The following MAP4K4 variants were observed in gnomAD, a reference collection of about 807,000 sequenced individuals.
The protein encoded by MAP4K4 is mitogen-activated protein kinase kinase kinase kinase 4.
MAP4K4 carries 38 observed loss-of-function variants against 189.6 expected under a neutral mutation model. The ratio of observed to expected loss-of-function variants is 0.20; its 90% confidence interval spans 0.15 to 0.26. The LOEUF (loss-of-function observed/expected upper bound fraction) is 0.26. Among genes scored for constraint, MAP4K4 ranks in the 10% least tolerant of loss-of-function variants. The pLI is 1.00. For missense variants in MAP4K4, 1,054 were observed against 1,726.9 expected (o/e 0.61, Z 6.91); for synonymous variants, 610 against 624.3 (o/e 0.98, Z 0.34).
chr2:101,873,083 T>C (rs1008513711), intron 24 of MAP4K4, among the ~76,000 whole-genome samples: 3 of 152,226 alleles, frequency 2.0e-5, no homozygotes, highest in Non-Finnish European at 4.4e-5. Flanking sequence ...AGATACGCCT[T>C]CTTTTGTCAT....
chr2:101,873,585 T>A, intron 24 of MAP4K4, 62 bp from the exon 25 acceptor site: 1 of 870,970 alleles, frequency 1.1e-6, no homozygotes. Flanking sequence ...TTGAAATGTG[T>A]ATTTTTAATG....
At chr2:101,883,299 C>T (rs1057275164) in intron 28 of MAP4K4, among the ~76,000 whole-genome samples, 3 of 152,060 alleles carry the variant, frequency 2.0e-5, no homozygotes, top group Admixed American at 6.5e-5. Context: ...AGCAGTGATT[C>T]TCATGAAGTA....
chr2:101,824,132 G>GGGGA, intron 4 of MAP4K4, 79 bp downstream of exon 4: 1 of 56,768 alleles, frequency 1.8e-5, no homozygotes. Context: ...GGGGGCGGGG[G>GGGGA]AAAGAGGGGG....
intron 23 of MAP4K4, 60 bp downstream of exon 23, chr2:101,870,475 G>C: frequency 6.3e-7 from 1 of 1,597,528 alleles, no homozygotes; most frequent in Non-Finnish European, 8.5e-7. Context: ...TAACCCACTT[G>C]CTCATTCACT....
Position 101,867,074 on chromosome 2 carries a change from T to C in MAP4K4, c.2357-138T>C, listed in dbSNP as rs977036193. 3.4e-5 allele frequency: 21 copies of C among 619,376 alleles called. No homozygotes were observed. In the Admixed American group the frequency reaches 4.4e-4, roughly 13 times the overall value. 38.4% of individuals were successfully genotyped at this position (619,376 alleles called of 1,614,324 possible). A position where few individuals can be genotyped will look rare whatever the true frequency, so the allele number is the denominator to read the frequency against. On this transcript the variant is annotated intron_variant, in intron 19 of 32. Transcript: ENST00000324219. ...GGAGCCCTCCTTGGGCCCCCTCTGC[T>C]CTGTAATTCAGACCTGCAGGTGGAG...
At chr2:101,883,040 G>A (rs1177199943) in intron 28 of MAP4K4, among the ~76,000 whole-genome samples, 1 of 152,200 alleles carries the variant, frequency 6.6e-6, no homozygotes, top group Admixed American at 6.5e-5. Context: ...ACCTCTTTAA[G>A]GAAATCTTGT....
chr2:101,713,085 A>G (rs991180981), intron 2 of MAP4K4, among the ~76,000 whole-genome samples: 1 of 151,046 alleles, frequency 6.6e-6, no homozygotes, highest in African/African-American at 2.4e-5. Context: ...TTGTATTTTT[A>G]GTAGAGACGG....
chr2:101,848,311 T>C (rs181461874), intron 12 of MAP4K4, among the ~76,000 whole-genome samples: 132 of 152,318 alleles, frequency 8.7e-4, no homozygotes, highest in Non-Finnish European at 1.0e-3. Flanking sequence ...CTTTCAAATA[T>C]TTTTTGACCC....
chr2:101,867,689 T>G, intron 20 of MAP4K4: 1 of 386,798 alleles, frequency 2.6e-6, no homozygotes, highest in Non-Finnish European at 4.6e-6. Flanking sequence ...CATTAACCTT[T>G]ACTTATTCTT....
At chr2:101,720,439 A>G (rs1428367615) in intron 2 of MAP4K4, among the ~76,000 whole-genome samples, 1 of 152,178 alleles carries the variant, frequency 6.6e-6, no homozygotes, top group Non-Finnish European at 1.5e-5. Context: ...GTCCTGGACT[A>G]TAGAATGATA....
At chr2:101,842,964 T>G (rs2096965646) in intron 11 of MAP4K4, among the ~76,000 whole-genome samples, 1 of 152,216 alleles carries the variant, frequency 6.6e-6, no homozygotes, top group Admixed American at 6.5e-5. Context: ...CAGCATTTAT[T>G]GTTCCAGAAG....
In MAP4K4 at chr2:101,877,252, A is replaced by G. The variant is rs559535329; in HGVS notation, c.3385+106A>G. The G allele has an allele frequency of 2.7e-6, 3 of 1,123,540 alleles. No homozygotes were observed. In the South Asian group the frequency reaches 4.4e-5, roughly 16 times the overall value. The allele number at this position is 1,123,540 out of a possible 1,614,324, so 69.6% of individuals were successfully genotyped here. A position where few individuals can be genotyped will look rare whatever the true frequency, so the allele number is the denominator to read the frequency against. On this transcript the variant is annotated intron_variant, in intron 27 of 32. Coordinates refer to ENST00000324219, the Ensembl canonical transcript of MAP4K4. The stretch of plus-strand genomic sequence containing the variant: ...TCATTCACTGATGTACTGGCTAAAT[A>G]AGGTACAACCACATTGAGACTTGAC...
intron 2 of MAP4K4, among the ~76,000 whole-genome samples, chr2:101,784,040 G>A (rs1176527446): frequency 6.6e-6 from 1 of 152,170 alleles, no homozygotes; most frequent in East Asian, 1.9e-4. Flanking sequence ...CACATCTTGA[G>A]AGATCCATGT....
chr2:101,870,049 A>G, intron 22 of MAP4K4: 1 of 627,850 alleles, frequency 1.6e-6, no homozygotes, highest in South Asian at 2.1e-5. Flanking sequence ...ATCCAGGGGA[A>G]ATTTCAGTTT....
rs566556616 is a variant in MAP4K4, at chr2:101,825,887, G to A, written c.417+458G>A. On this transcript the variant is annotated intron_variant, in intron 5 of 32. Transcript: ENST00000324219. ...TTACAATATTTATGAAGAAAAGTTC[G>A]AATGTTTAATATTATTTACAGCCAT... Among the ~76,000 whole-genome samples the A allele has an allele frequency of 2.6e-5, 4 of 152,292 alleles. No homozygotes were observed. In the South Asian group the frequency reaches 6.2e-4, roughly 24 times the overall value.
rs767578611 is a variant in MAP4K4 at position 101,866,629 on chromosome 2, TC to T, written c.2356+52del. 111 of 1,587,966 alleles carry T rather than the reference TC, an allele frequency of 7.0e-5. 1 individual carries two copies. The Middle Eastern group carries it at 1.2e-3, about 17-fold the overall frequency. ...TCCCTGCTAATGTTTTGAGCTGTGA[TC>T]CATATCTTGGAAGTTTGTCTTAATC... On this transcript the variant is annotated intron_variant, in intron 19 of 32. Transcript: ENST00000324219.
chr2:101,742,534 G>A (rs2063325042), intron 2 of MAP4K4, among the ~76,000 whole-genome samples: 1 of 152,100 alleles, frequency 6.6e-6, no homozygotes, highest in Non-Finnish European at 1.5e-5. Flanking sequence ...GTGTGCCAGA[G>A]AGTGAAGCCC....
chr2:101,722,554 G>A (rs976147516), intron 2 of MAP4K4, among the ~76,000 whole-genome samples: 5 of 152,134 alleles, frequency 3.3e-5, no homozygotes, highest in East Asian at 1.9e-4. Context: ...CCATCCCTGC[G>A]ATGGAAAGAT....
intron 2 of MAP4K4, among the ~76,000 whole-genome samples, chr2:101,715,556 A>G (rs548153700): frequency 2.6e-5 from 4 of 152,300 alleles, no homozygotes; most frequent in African/African-American, 9.6e-5. Flanking sequence ...TGGAATGTTC[A>G]TATTATATTT....
Sources: gnomAD v4.1 joint callset for allele counts (sites outside exome capture counted in the v4.1 genomes callset) on GRCh38, gnomAD v4.1.1 for gene constraint, MANE v1.5 for transcripts, NCBI Gene and HGNC (gene_info 2026-07-23, HGNC 2026-07-21) for gene names.